PMS1: variants seen among roughly 807,000 people sequenced by gnomAD.
PMS1 encodes PMS1 homolog 1, mismatch repair system component.
PMS1 carries 79 observed loss-of-function variants against 93.1 expected under a neutral mutation model. The observed-to-expected ratio is 0.85, with a 90% CI of 0.71 to 1.02. The LOEUF is 1.02. Ranked by LOEUF, PMS1 falls within the 50% of genes least tolerant of loss-of-function variation. PMS1 has a pLI of 0.00. For missense variants in PMS1, 1,064 were observed against 1,085.3 expected (o/e 0.98, Z 0.28); for synonymous variants, 335 against 363.4 (o/e 0.92, Z 0.89).
At chr2:189,802,471 T>A (rs1465653808) in intron 3 of PMS1, among the ~76,000 whole-genome samples, 1 of 152,186 alleles carries the variant, frequency 6.6e-6, no homozygotes, top group African/African-American at 2.4e-5. Context: ...AGAGAAGAGA[T>A]TGGTCTTGCT....
At chr2:189,857,566 C>G (rs1427661347) in intron 9 of PMS1, 1 of 407,572 alleles carries the variant, frequency 2.5e-6, no homozygotes. Flanking sequence ...TCCTTTTCTT[C>G]CTTCTTCTTT....
rs2066460 is a variant in PMS1, at chr2:189,805,637, G to T, written c.316-15G>T. 4.2e-5 allele frequency: 67 copies of T among 1,598,030 alleles called. No individual in the cohort carries two copies. In the African/African-American group the frequency reaches 7.4e-4, roughly 18 times the overall value. The stretch of plus-strand genomic sequence containing the variant: ...ATCTAAAGTGTTAGTTTTATTAGAT[G>T]TTTTTTTCCCCCAGGTTTTAATTAC... On this transcript the variant is annotated splice_polypyrimidine_tract_variant and intron_variant, in intron 3 of 12. Transcript: ENST00000441310.
At chr2:189,796,058 G>C (rs1291829364) in intron 3 of PMS1, 107 bp downstream of exon 3, 1 of 900,966 alleles carries the variant, frequency 1.1e-6, no homozygotes, top group Non-Finnish European at 1.8e-6. Context: ...TTTTATTATG[G>C]TAAAATATAC....
chr2:189,795,583 A>G (rs1251350978), intron 2 of PMS1, among the ~76,000 whole-genome samples, 186 bp from the exon 3 acceptor site: 1 of 152,236 alleles, frequency 6.6e-6, no homozygotes, highest in Non-Finnish European at 1.5e-5. Flanking sequence ...CAGAGAAAAC[A>G]AGGGAGTTGC....
At chr2:189,811,799 C>T (rs1432299814) in intron 4 of PMS1, among the ~76,000 whole-genome samples, 1 of 152,062 alleles carries the variant, frequency 6.6e-6, no homozygotes, top group Non-Finnish European at 1.5e-5. Flanking sequence ...GTTGTTAAGG[C>T]AGTGTATTAT....
chr2:189,835,282 T>A (rs1392819516), intron 5 of PMS1, among the ~76,000 whole-genome samples: 1 of 152,196 alleles, frequency 6.6e-6, no homozygotes, highest in African/African-American at 2.4e-5. Context: ...ACCAAGACAA[T>A]CATTTTTGAA....
At chr2:189,826,121 G>A (rs561910008) in intron 5 of PMS1, among the ~76,000 whole-genome samples, 2 of 152,240 alleles carry the variant, frequency 1.3e-5, no homozygotes, top group Admixed American at 1.3e-4. Context: ...AACCTTTTAC[G>A]TGATCATCTT....
chr2:189,806,376 G>T (rs2050343505), intron 4 of PMS1: 1 of 298,234 alleles, frequency 3.4e-6, no homozygotes, highest in East Asian at 7.7e-5. Context: ...CATTTTAATT[G>T]ATATCTTATG....
At chr2:189,805,889 A>G (rs775339469) in intron 4 of PMS1, 135 bp downstream of exon 4, 2 of 1,541,262 alleles carry the variant, frequency 1.3e-6, no homozygotes, top group African/African-American at 1.4e-5. Context: ...TTAACTTCCA[A>G]GTAAACATTC....
At chr2:189,791,656 G>T in intron 1 of PMS1, 134 bp from the exon 2 acceptor site, 1 of 648,594 alleles carries the variant, frequency 1.5e-6, no homozygotes, top group Non-Finnish European at 2.8e-6. Context: ...AATATTGTAT[G>T]TGCTAACAGT....
intron 5 of PMS1, among the ~76,000 whole-genome samples, chr2:189,835,155 T>G (rs1414905928): frequency 2.0e-5 from 3 of 152,382 alleles, no homozygotes; most frequent in South Asian, 4.1e-4. Context: ...GTAAAATGTC[T>G]ATTAATTTCT....
At chr2:189,813,638 A>G (rs567972821) in intron 4 of PMS1, among the ~76,000 whole-genome samples, 1 of 152,332 alleles carries the variant, frequency 6.6e-6, no homozygotes, top group Non-Finnish European at 1.5e-5. Context: ...TATGAGAGTT[A>G]AAAAGGGAAA....
rs1158514130 is a variant in PMS1, at chr2:189,860,800, A to ATT, written c.1857-2905_1857-2904dup. ...CTAAAATCTTCTATATCTTTGAGGAATTTTTTTTTTTTTTTTTTTTTTTTT... is the reference window on the plus strand; with the variant it reads ...CTAAAATCTTCTATATCTTTGAGGAATTTTTTTTTTTTTTTTTTTTTTTTTTT... On this transcript the variant is annotated intron_variant, in intron 9 of 12. Transcript: ENST00000441310. 2.1e-3 allele frequency among the ~76,000 whole-genome samples: 85 copies of ATT among 41,020 alleles called. 16 individuals carry two copies. Among genetic ancestry groups the ATT allele is most frequent in the Admixed American group, 6.1e-3 (14 of 2,286 alleles). 26.9% of individuals were successfully genotyped at this position (41,020 alleles called of 152,430 possible).
chr2:189,786,457 T>G (rs1412559078), intron 1 of PMS1, among the ~76,000 whole-genome samples: 2 of 152,178 alleles, frequency 1.3e-5, no homozygotes, highest in Admixed American at 6.5e-5. Context: ...GAGAGATGAC[T>G]GGGTGGCAGG....
At chr2:189,821,945 G>A (rs2051935752) in intron 5 of PMS1, among the ~76,000 whole-genome samples, 1 of 152,132 alleles carries the variant, frequency 6.6e-6, no homozygotes, top group African/African-American at 2.4e-5. Flanking sequence ...TTTTTGAGAG[G>A]TTTATATCAT....
At position 189,791,855 on chromosome 2, in the gene PMS1, C is replaced by G; in HGVS notation, c.46C>G (p.Gln16Glu). 3.7e-6 allele frequency: 6 copies of G among 1,613,898 alleles called. No individual in the cohort carries two copies. The highest frequency in any genetic ancestry group is 1.1e-5 in the South Asian group (1 of 91,078). Residue 16 changes from glutamine (Q) to glutamate (E), a missense_variant, in exon 2 of 13, where the codon CAG (glutamine) becomes GAG (glutamate). Physicochemically the swap from Gln to Glu is conservative, Grantham distance 29 (BLOSUM62 2). Transcript: ENST00000441310. ...AATVRLLSSS[Q>E]IITSVVSVVK... The stretch of plus-strand genomic sequence containing the variant: ...AACAGTTCGACTCCTTTCAAGTTCT[C>G]AGATCATCACTTCGGTGGTCAGTGT...
At chr2:189,822,589 C>A (rs935844585) in intron 5 of PMS1, among the ~76,000 whole-genome samples, 3 of 152,134 alleles carry the variant, frequency 2.0e-5, no homozygotes, top group Admixed American at 2.0e-4. Context: ...CAGATTGTTG[C>A]TACAGCAACT....
intron 4 of PMS1, among the ~76,000 whole-genome samples, chr2:189,810,278 A>G (rs917988034): frequency 6.6e-6 from 1 of 152,220 alleles, no homozygotes; most frequent in African/African-American, 2.4e-5. Context: ...CTGCGTAGCA[A>G]TGAGGGGAAA....
chr2:189,856,994 A>G (rs1047966677), intron 9 of PMS1, among the ~76,000 whole-genome samples: 8 of 152,096 alleles, frequency 5.3e-5, no homozygotes, highest in African/African-American at 1.9e-4. Context: ...AGAGGCTTTG[A>G]TGGTCAAGAC....
Sources: gnomAD v4.1 joint callset for allele counts (sites outside exome capture counted in the v4.1 genomes callset) on GRCh38, gnomAD v4.1.1 for gene constraint, MANE v1.5 for transcripts, NCBI Gene and HGNC (gene_info 2026-07-23, HGNC 2026-07-21) for gene names.